Variants in ANKS1B observed in about 807,000 individuals in gnomAD.
ANKS1B encodes the protein ankyrin repeat and sterile alpha motif domain containing 1B.
Under a neutral mutation model 148.3 loss-of-function variants are expected in ANKS1B, and 36 were observed. That is an observed-to-expected ratio of 0.24 (90% confidence interval 0.19 to 0.32). ANKS1B has a LOEUF of 0.32. Ranked by LOEUF, ANKS1B falls within the 10% of genes least tolerant of loss-of-function variation. The probability of loss-of-function intolerance (pLI) is 1.00; values close to 1 mark genes in which losing one functional copy is unlikely to be tolerated. For missense variants in ANKS1B, 1,157 were observed against 1,542.6 expected (o/e 0.75, Z 4.19); for synonymous variants, 542 against 560.8 (o/e 0.97, Z 0.47).
chr12:99,010,525 T>C (rs1156544967), intron 17 of ANKS1B, among the ~76,000 whole-genome samples: 1 of 152,120 alleles, frequency 6.6e-6, no homozygotes, highest in Non-Finnish European at 1.5e-5. Context: ...AAATATCTCA[T>C]TGAAACCTCA....
chr12:98,957,361 ATTTT>A (rs902816710), intron 17 of ANKS1B, among the ~76,000 whole-genome samples: 2 of 129,554 alleles, frequency 1.5e-5, no homozygotes, highest in Admixed American at 7.7e-5. Flanking sequence ...TTATTTATTT[ATTTT>A]GAGACGGAGT....
rs562945388 is a variant in ANKS1B, at chr12:99,282,636, T to C, written c.1757-35772A>G. 2.6e-5 allele frequency among the ~76,000 whole-genome samples: 4 copies of C among 152,254 alleles called. No homozygotes were observed. In the South Asian group the frequency reaches 8.3e-4, roughly 32 times the overall value. On this transcript the variant is annotated intron_variant, in intron 12 of 26. Coordinates refer to ENST00000683438, the MANE Select transcript of ANKS1B (RefSeq NM_001352186.2). ...AGTGAGAAGTGGTTAGCTTTTGTTC[T>C]ATGAACGTAGAACTAACAAGATTTA...
chr12:99,402,388 G>A (rs1567033122), intron 11 of ANKS1B, among the ~76,000 whole-genome samples: 1 of 145,482 alleles, frequency 6.9e-6, no homozygotes, highest in Non-Finnish European at 1.5e-5. Flanking sequence ...GTGTCATGGG[G>A]GTTTGTTTAA....
chr12:99,646,429 G>A (rs1249203447), intron 9 of ANKS1B, among the ~76,000 whole-genome samples: 2 of 152,030 alleles, frequency 1.3e-5, no homozygotes, highest in Non-Finnish European at 2.9e-5. Flanking sequence ...GGGCCAAGGC[G>A]GGCGAATCAC....
rs115546685 is a variant in ANKS1B, at chr12:99,737,420, A to T, written c.1128+35502T>A. 4.2e-3 allele frequency among the ~76,000 whole-genome samples: 635 copies of T among 152,236 alleles called. 4 individuals are homozygous for T. Among genetic ancestry groups the T allele is most frequent in the African/African-American group, 0.014 (573 of 41,568 alleles). The stretch of plus-strand genomic sequence containing the variant: ...AACTAGAAATCCTTATGTTAAGTGA[A>T]ATAAGCTAGACATACAAAGACAAAC... On this transcript the variant is annotated intron_variant, in intron 8 of 26. Transcript: ENST00000683438.
At chr12:99,383,396 G>T (rs1309558658) in intron 12 of ANKS1B, among the ~76,000 whole-genome samples, 8 of 152,138 alleles carry the variant, frequency 5.3e-5, no homozygotes, top group Admixed American at 5.2e-4. Flanking sequence ...CTTTAAAATG[G>T]CTTATGAAGC....
chr12:99,305,498 T>C (rs2082216925), intron 12 of ANKS1B, among the ~76,000 whole-genome samples: 1 of 152,100 alleles, frequency 6.6e-6, no homozygotes, highest in Non-Finnish European at 1.5e-5. Context: ...ATTGTGGGAA[T>C]ATTTTAGCTC....
chr12:99,574,586 G>A (rs2153224315), intron 9 of ANKS1B, among the ~76,000 whole-genome samples: 1 of 152,040 alleles, frequency 6.6e-6, no homozygotes, highest in Admixed American at 6.6e-5. Flanking sequence ...AATGCATTAT[G>A]ACCAAGTGAG....
At chr12:99,020,733 A>T (rs1377710261) in intron 17 of ANKS1B, among the ~76,000 whole-genome samples, 1 of 152,184 alleles carries the variant, frequency 6.6e-6, no homozygotes, top group Non-Finnish European at 1.5e-5. Flanking sequence ...GTTTGCTAAA[A>T]GAATGAATGA....
intron 15 of ANKS1B, among the ~76,000 whole-genome samples, chr12:99,122,006 G>C (rs1490686858): frequency 6.6e-6 from 1 of 152,082 alleles, no homozygotes; most frequent in South Asian, 2.1e-4. Context: ...GATAATTCCT[G>C]AAGTATTATT....
chr12:99,730,246 C>G (rs2059004630), intron 8 of ANKS1B, among the ~76,000 whole-genome samples: 1 of 152,208 alleles, frequency 6.6e-6, no homozygotes, highest in Non-Finnish European at 1.5e-5. Context: ...GCTCTGACCA[C>G]AGATGGGCTC....
At chr12:99,356,886 C>T (rs1354130874) in intron 12 of ANKS1B, among the ~76,000 whole-genome samples, 2 of 150,068 alleles carry the variant, frequency 1.3e-5, no homozygotes, top group African/African-American at 4.9e-5. Context: ...GCTATAATTC[C>T]AGAATTTAGA....
At chr12:99,742,629 T>C (rs2060228363) in intron 8 of ANKS1B, among the ~76,000 whole-genome samples, 1 of 151,662 alleles carries the variant, frequency 6.6e-6, no homozygotes, top group Non-Finnish European at 1.5e-5. Flanking sequence ...GGTCAGGAGT[T>C]CGAGACCAGC....
At chr12:99,880,500 G>A (rs956120604) in intron 1 of ANKS1B, among the ~76,000 whole-genome samples, 19 of 151,972 alleles carry the variant, frequency 1.3e-4, no homozygotes, top group East Asian at 5.8e-4. Flanking sequence ...AGTTATATTC[G>A]GTACCACAGA....
chr12:99,015,938 C>T (rs2099942291), intron 17 of ANKS1B, among the ~76,000 whole-genome samples: 1 of 152,106 alleles, frequency 6.6e-6, no homozygotes, highest in African/African-American at 2.4e-5. Context: ...CAGTCTATGA[C>T]ACTGAACACT....
At position 99,984,200 on chromosome 12, in the gene ANKS1B, G is replaced by C. The variant is rs746614391; in HGVS notation, c.38C>G (p.Thr13Ser). ...KDQELLEAARTGNVALVEKLL... is the reference protein window; with the variant it reads ...KDQELLEAARSGNVALVEKLL... Reference sequence around the variant, plus strand: ...TTTCTCCACCAGAGCCACATTTCCAGTGCGAGCAGCTTCCAGCAGCTCCTG... The same window carrying C: ...TTTCTCCACCAGAGCCACATTTCCACTGCGAGCAGCTTCCAGCAGCTCCTG... The change falls in exon 1 of 27, where the codon ACT (threonine) becomes AGT (serine). Residue 13 changes from threonine (T) to serine (S), a missense_variant. Physicochemically the swap from Thr to Ser is moderately conservative, Grantham distance 58. Around this residue, in one of 6 missense-constraint regions of ANKS1B, gnomAD observed 164 missense variants for 232.6 expected, o/e 0.71. Transcript: ENST00000683438. The C allele has an allele frequency of 1.2e-6, 2 of 1,613,790 alleles. No individual in the cohort carries two copies. The highest frequency in any genetic ancestry group is 1.7e-6 in the Non-Finnish European group (2 of 1,179,818).
intron 9 of ANKS1B, among the ~76,000 whole-genome samples, chr12:99,551,675 A>G (rs960637650): frequency 6.6e-6 from 1 of 152,134 alleles, no homozygotes; most frequent in Non-Finnish European, 1.5e-5. Flanking sequence ...TGGCAGAGAA[A>G]CTAAAGTGAG....
At position 99,191,569 on chromosome 12, in the gene ANKS1B, T is replaced by C. The variant is rs1387007068; in HGVS notation, c.2420-37174A>G. On this transcript the variant is annotated intron_variant, in intron 14 of 26. Coordinates refer to ENST00000683438, the MANE Select transcript of ANKS1B (RefSeq NM_001352186.2). ...GGGACATGGATGAAGCAGGAAACCATCATTCTCAGCAAACTAACACAAGAA... is the reference window on the plus strand; with the variant it reads ...GGGACATGGATGAAGCAGGAAACCACCATTCTCAGCAAACTAACACAAGAA... 5.3e-5 allele frequency among the ~76,000 whole-genome samples: 8 copies of C among 152,070 alleles called. No individual in the cohort carries two copies. In the East Asian group the frequency reaches 1.4e-3, roughly 26 times the overall value.
intron 22 of ANKS1B, among the ~76,000 whole-genome samples, chr12:98,786,619 G>T (rs1455380644): frequency 6.6e-6 from 1 of 152,196 alleles, no homozygotes; most frequent in Non-Finnish European, 1.5e-5. Context: ...GTAGTATGGA[G>T]ATACCCTTTC....
Sources: gnomAD v4.1 joint callset for allele counts (sites outside exome capture counted in the v4.1 genomes callset) on GRCh38, gnomAD v4.1.1 for gene constraint, gnomAD v4.1.1 regional missense constraint, MANE v1.5 for transcripts, NCBI Gene and HGNC (gene_info 2026-07-23, HGNC 2026-07-21) for gene names.